The following MRPS11 variants were observed in gnomAD, a reference collection of about 807,000 sequenced individuals.
MRPS11 encodes the protein small ribosomal subunit protein uS11m.
MRPS11 carries 27 observed loss-of-function variants against 24.3 expected under a neutral mutation model. That is an observed-to-expected ratio of 1.11 (90% CI 0.82 to 1.53). MRPS11 has a LOEUF of 1.53. Ranked by LOEUF, MRPS11 falls within the 40% of genes most tolerant of loss-of-function variation. The probability of loss-of-function intolerance (pLI) is 0.00; values close to 1 mark genes in which losing one functional copy is unlikely to be tolerated. For missense variants in MRPS11, 277 were observed against 256.5 expected (o/e 1.08, Z -0.55); for synonymous variants, 104 against 98.7 (o/e 1.05, Z -0.32).
chr15:88,467,739 G>A lies in MRPS11; in HGVS notation c.22G>A (p.Gly8Arg). 2 of 1,614,130 alleles carry A rather than the reference G, an allele frequency of 1.2e-6. No homozygotes were observed. The highest frequency in any genetic ancestry group is 1.1e-5 in the South Asian group (1 of 91,088). Residue 8 changes from glycine to arginine, a missense_variant, in exon 1 of 6, where the codon GGG becomes AGG. Transcript: ENST00000325844. The stretch of plus-strand genomic sequence containing the variant: ...AGTCATGCAGGCTGTGAGAAACGCG[G>A]GGTCGCGGTTCCTGCGGTCCTGGAC... MQAVRNA[G>R]SRFLRSWTWP...
chr15:88,475,135 A>T lies in MRPS11; in HGVS notation c.307A>T (p.Ser103Cys). Residue 103 changes from serine (S) to cysteine (C), a missense_variant, in exon 4 of 6, where the codon AGT becomes TGT. Transcript: ENST00000325844. The surrounding 1 kb of genome is among the most constrained non-coding windows in gnomAD (Gnocchi z 4.1). ...CACACAGATCCAGGTAGTCTCTGCTAGTAATGAGCCCCTTGCCTTTGCTTC... is the reference window on the plus strand; with the variant it reads ...CACACAGATCCAGGTAGTCTCTGCTTGTAATGAGCCCCTTGCCTTTGCTTC... Reference protein sequence around the residue: ...NNTQIQVVSASNEPLAFASCG... With the variant: ...NNTQIQVVSACNEPLAFASCG... The T allele has an allele frequency of 6.2e-7, 1 of 1,614,226 alleles. No homozygotes were observed. Among genetic ancestry groups the T allele is most frequent in the Non-Finnish European group, 8.5e-7 (1 of 1,180,040 alleles).
chr15:88,476,705 G>T (rs1000397513), intron 4 of MRPS11: 1 of 340,380 alleles, frequency 2.9e-6, no homozygotes, highest in Non-Finnish European at 5.3e-6. Flanking sequence ...TTCTGCATTT[G>T]CCCCCCTGAG....
intron 4 of MRPS11, among the ~76,000 whole-genome samples, chr15:88,476,567 T>C (rs941887709): frequency 4.6e-5 from 7 of 152,226 alleles, no homozygotes; most frequent in African/African-American, 1.4e-4. Context: ...ATTTTTATAA[T>C]GAACTGCCTT....
At position 88,478,153 on chromosome 15, in the gene MRPS11, G is replaced by GT; in HGVS notation, c.*174_*175insT. ...TTGCTTGCACCTCCAGCTGGAGATG[G>GT]GTGTGCCCCAGAAGTAAGCTTTGCA... On this transcript the variant is annotated 3_prime_UTR_variant, in exon 6 of 6. Coordinates refer to ENST00000325844, the MANE Select transcript of MRPS11 (RefSeq NM_022839.5). The surrounding 1 kb of genome is among the most constrained non-coding windows in gnomAD (Gnocchi z 4.7). 1 of 609,886 alleles carries GT rather than the reference G, an allele frequency of 1.6e-6. No homozygotes were observed. The highest frequency in any genetic ancestry group is 2.9e-6 in the Non-Finnish European group (1 of 342,896). 37.8% of individuals were successfully genotyped at this position (609,886 alleles called of 1,614,324 possible). A position where few individuals can be genotyped will look rare whatever the true frequency, so the allele number is the denominator to read the frequency against.
In MRPS11 at chr15:88,475,686, T is replaced by G. The variant is rs1474779737; in HGVS notation, c.411+447T>G. On this transcript the variant is annotated intron_variant, in intron 4 of 5. Coordinates refer to ENST00000325844, the MANE Select transcript of MRPS11 (RefSeq NM_022839.5). The surrounding 1 kb of genome is among the most constrained non-coding windows in gnomAD (Gnocchi z 4.1). ...CCCTGTCTCCAAAATAAATTAAAAA[T>G]AGGCCAGGCGCGATGGCTCACAGTT... 6.6e-6 allele frequency among the ~76,000 whole-genome samples: 1 copy of G among 152,018 alleles called. No individual in the cohort carries two copies. The highest frequency in any genetic ancestry group is 1.5e-5 in the Non-Finnish European group (1 of 68,014).
rs946798888 is a variant in MRPS11 at position 88,479,768 on chromosome 15, C to T, written c.*1789C>T. 4.6e-5 allele frequency: 7 copies of T among 152,244 alleles called. No homozygotes were observed. Among genetic ancestry groups the T allele is most frequent in the African/African-American group, 1.7e-4 (7 of 41,450 alleles). The allele number at this position is 152,244 out of a possible 1,614,324, so 9.4% of individuals were successfully genotyped here. A position where few individuals can be genotyped will look rare whatever the true frequency, so the allele number is the denominator to read the frequency against. ...GATATGGTTTGGTGGACAGAGGGCC[C>T]GTAGCCATCAGACAGTTCAATCAGG... On this transcript the variant is annotated 3_prime_UTR_variant, in exon 6 of 6. Coordinates refer to ENST00000325844, the MANE Select transcript of MRPS11 (RefSeq NM_022839.5).
chr15:88,468,596 C>A, intron 2 of MRPS11: 2 of 780,902 alleles, frequency 2.6e-6, no homozygotes, highest in Non-Finnish European at 3.1e-6. Flanking sequence ...TACAAAAGAT[C>A]ATTCCTCCCC....
chr15:88,478,553 T>A lies in MRPS11; in HGVS notation c.*574T>A, dbSNP rs1030997146. 6 of 156,500 alleles carry A rather than the reference T, an allele frequency of 3.8e-5. No individual in the cohort carries two copies. Among genetic ancestry groups the A allele is most frequent in the African/African-American group, 1.4e-4 (6 of 41,476 alleles). The allele number at this position is 156,500 out of a possible 1,614,324, so 9.7% of individuals were successfully genotyped here. A position where few individuals can be genotyped will look rare whatever the true frequency, so the allele number is the denominator to read the frequency against. Reference sequence around the variant, plus strand: ...TTCGCCATTATGGGCATGTTTAAAGTTAGCCCTAAACACAGGATTTTCTAC... The same window carrying A: ...TTCGCCATTATGGGCATGTTTAAAGATAGCCCTAAACACAGGATTTTCTAC... On this transcript the variant is annotated 3_prime_UTR_variant, in exon 6 of 6. Transcript: ENST00000325844. The surrounding 1 kb of genome is among the most constrained non-coding windows in gnomAD (Gnocchi z 4.7).
chr15:88,477,161 C>A lies in MRPS11; in HGVS notation c.477+107C>A. On this transcript the variant is annotated intron_variant, in intron 5 of 5. Coordinates refer to ENST00000325844, the MANE Select transcript of MRPS11 (RefSeq NM_022839.5). The surrounding 1 kb of genome is among the most constrained non-coding windows in gnomAD (Gnocchi z 5.7). ...GTAGAAAACACCTTTTAGTGGATTT[C>A]CATGTTTGCTTGAAGTTCCCGTCTG... 9.7e-7 allele frequency: 1 copy of A among 1,035,048 alleles called. No individual in the cohort carries two copies. The highest frequency in any genetic ancestry group is 1.5e-6 in the Non-Finnish European group (1 of 682,896). 64.1% of individuals were successfully genotyped at this position (1,035,048 alleles called of 1,614,324 possible).
At chr15:88,474,474 A>G (rs56100030) in intron 3 of MRPS11, among the ~76,000 whole-genome samples, 30,444 of 151,622 alleles carry the variant, frequency 0.2, 9,033 homozygotes, top group African/African-American at 0.65. Flanking sequence ...CAGAAGAATC[A>G]CTTGAACCCG....
At chr15:88,473,048 T>C (rs2055748527) in intron 3 of MRPS11, among the ~76,000 whole-genome samples, 2 of 152,228 alleles carry the variant, frequency 1.3e-5, no homozygotes, top group Admixed American at 1.3e-4. Flanking sequence ...AAGGTGTTTA[T>C]TAAGTGTTGC....
chr15:88,476,754 C>T (rs996660249), intron 4 of MRPS11: 9 of 431,756 alleles, frequency 2.1e-5, no homozygotes, highest in South Asian at 9.9e-5. Flanking sequence ...CATTAGGTGG[C>T]GGTGCTGTCC....
chr15:88,477,953 C>T lies in MRPS11; in HGVS notation c.559C>T (p.Arg187Cys), dbSNP rs749517118. ...CACCCCAATCCCACACAACGGCTGC[C>T]GCCCCAGGAAGGCTCGGAAGCTGTG... ...DNTPIPHNGC[R>C]PRKARKL The change falls in exon 6 of 6, where the codon CGC becomes TGC. Residue 187 changes from arginine to cysteine, a missense_variant. Arg to Cys is a radical substitution (Grantham distance 180). Transcript: ENST00000325844. The surrounding 1 kb of genome is among the most constrained non-coding windows in gnomAD (Gnocchi z 5.7). 89 of 1,614,072 alleles carry T rather than the reference C, an allele frequency of 5.5e-5. No homozygotes were observed. Among genetic ancestry groups the T allele is most frequent in the Admixed American group, 6.7e-5 (4 of 60,010 alleles).
chr15:88,472,015 T>C (rs751649159), intron 2 of MRPS11, among the ~76,000 whole-genome samples: 3 of 152,198 alleles, frequency 2.0e-5, no homozygotes, highest in Admixed American at 6.5e-5. Flanking sequence ...AAAGTTTTAT[T>C]GGAACACAGC....
At chr15:88,476,436 C>G (rs926125773) in intron 4 of MRPS11, among the ~76,000 whole-genome samples, 1 of 152,164 alleles carries the variant, frequency 6.6e-6, no homozygotes, top group Non-Finnish European at 1.5e-5. Flanking sequence ...GTACTATCAT[C>G]AGAAATCAAA....
chr15:88,479,061 G>A lies in MRPS11; in HGVS notation c.*1082G>A, dbSNP rs531214706. 2 of 152,052 alleles carry A rather than the reference G, an allele frequency of 1.3e-5. No individual in the cohort carries two copies. The highest frequency in any genetic ancestry group is 6.6e-5 in the Admixed American group (1 of 15,264). 9.4% of individuals were successfully genotyped at this position (152,052 alleles called of 1,614,324 possible). A position where few individuals can be genotyped will look rare whatever the true frequency, so the allele number is the denominator to read the frequency against. ...CTGATGATTCTCTAGAAAATAGGGTGGATGGCAGGATGGGCTTGAGTAGAG... is the reference window on the plus strand; with the variant it reads ...CTGATGATTCTCTAGAAAATAGGGTAGATGGCAGGATGGGCTTGAGTAGAG... On this transcript the variant is annotated 3_prime_UTR_variant, in exon 6 of 6. Coordinates refer to ENST00000325844, the MANE Select transcript of MRPS11 (RefSeq NM_022839.5).
At chr15:88,471,752 T>G (rs2055708740) in intron 2 of MRPS11, among the ~76,000 whole-genome samples, 1 of 152,242 alleles carries the variant, frequency 6.6e-6, no homozygotes, top group Non-Finnish European at 1.5e-5. Flanking sequence ...TAGCTAGAAA[T>G]AGCCAGAAGA....
rs1047227625 is a variant in MRPS11, at chr15:88,475,472, G to A, written c.411+233G>A. ...CTTGTTGGTTCATTCTAGGATGTAA[G>A]AGCCAAGATACCAAAGGCTTGAGAA... On this transcript the variant is annotated intron_variant, in intron 4 of 5. Coordinates refer to ENST00000325844, the MANE Select transcript of MRPS11 (RefSeq NM_022839.5). The surrounding 1 kb of genome is among the most constrained non-coding windows in gnomAD (Gnocchi z 4.1). Among the ~76,000 whole-genome samples, 1 of 152,170 alleles carries A rather than the reference G, an allele frequency of 6.6e-6. No individual in the cohort carries two copies. Among genetic ancestry groups the A allele is most frequent in the Non-Finnish European group, 1.5e-5 (1 of 68,028 alleles).
At chr15:88,471,418 T>C (rs1401527355) in intron 2 of MRPS11, among the ~76,000 whole-genome samples, 1 of 152,222 alleles carries the variant, frequency 6.6e-6, no homozygotes, top group Non-Finnish European at 1.5e-5. Context: ...CTATTGTATT[T>C]CAAGTGGCTG....
Sources: allele counts gnomAD v4.1 joint callset (sites outside exome capture counted in the v4.1 genomes callset), GRCh38; gene constraint gnomAD v4.1.1; non-coding constraint Gnocchi (gnomAD v3.1); transcripts MANE v1.5; gene names NCBI Gene and HGNC (gene_info 2026-07-23, HGNC 2026-07-21).